CHRNB4: variants seen among roughly 807,000 people sequenced by gnomAD.
CHRNB4 encodes the protein cholinergic receptor nicotinic beta 4 subunit, also known as neuronal acetylcholine receptor subunit beta-4.
Under a neutral mutation model 40.4 loss-of-function variants are expected in CHRNB4, and 23 were observed. The ratio of observed to expected loss-of-function variants is 0.57; its 90% CI spans 0.41 to 0.81. The LOEUF (loss-of-function observed/expected upper bound fraction) is 0.81. Ranked by LOEUF, CHRNB4 falls within the 30% of genes least tolerant of loss-of-function variation. CHRNB4 has a pLI of 0.00. For missense variants in CHRNB4, 568 were observed against 670.6 expected, an observed-to-expected ratio of 0.85 and a Z score of 1.69; for synonymous variants, 285 against 274.4, an observed-to-expected ratio of 1.04 and a Z score of -0.38.
chr15:78,659,421 G>A (rs1444110335), intron 1 of CHRNB4, among the ~76,000 whole-genome samples: 5 of 152,084 alleles, frequency 3.3e-5, no homozygotes, highest in East Asian at 1.9e-4. Context: ...GAGAAAGACC[G>A]TGTCTCAAAA....
Position 78,625,281 on chromosome 15 carries a change from T to C in CHRNB4, c.1349A>G (p.Asp450Gly), listed in dbSNP as rs1331126866. ...NDDEDQSVVE[D>G]WKYVAMVVDR... ...CACCACCATAGCCACGTACTTCCAGTCCTCAACGACCTGCAGGCAGACAGA... is the reference window on the plus strand; with the variant it reads ...CACCACCATAGCCACGTACTTCCAGCCCTCAACGACCTGCAGGCAGACAGA... The change falls in exon 6 of 6, where the codon GAC (aspartate) becomes GGC (glycine). Residue 450 changes from aspartate (D) to glycine (G), a missense_variant. Transcript: ENST00000261751. 7 of 1,536,096 alleles carry C rather than the reference T, an allele frequency of 4.6e-6. No homozygotes were observed. The East Asian group carries it at 1.4e-4, about 30-fold the overall frequency.
intron 2 of CHRNB4, chr15:78,634,552 G>A: frequency 2.9e-6 from 1 of 348,052 alleles, no homozygotes; most frequent in Admixed American, 3.6e-5. Context: ...AGGGCTGTAG[G>A]TTTGACAGGC....
chr15:78,637,156 C>T (rs36045869), intron 1 of CHRNB4, among the ~76,000 whole-genome samples: 42,582 of 152,114 alleles, frequency 0.28, 7,203 homozygotes, highest in Non-Finnish European at 0.4. Context: ...GCCTAAATAC[C>T]GCCTCATGCA....
intron 5 of CHRNB4, chr15:78,655,412 A>C (rs1474091681): frequency 6.7e-6 from 1 of 148,570 alleles, no homozygotes; most frequent in Non-Finnish European, 1.5e-5. Context: ...ACATATCTAT[A>C]TATATCTATA....
At chr15:78,641,442 T>TG (rs1196749824), upstream of CHRNB4, among the ~76,000 whole-genome samples, 1 of 152,178 alleles carries the variant, frequency 6.6e-6, no homozygotes, top group Non-Finnish European at 1.5e-5. Flanking sequence ...TTGGTACAGC[T>TG]GGGGAGACTG....
At chr15:78,632,177 CTT>C (rs372999878) in intron 2 of CHRNB4, among the ~76,000 whole-genome samples, 117,000 of 128,364 alleles carry the variant, frequency 0.91, 53,277 homozygotes, top group Non-Finnish European at 0.98. Context: ...CTTTCTCTTT[CTT>C]TCTTTCTTTC....
At chr15:78,660,094 C>T (rs2054239941) in intron 1 of CHRNB4, among the ~76,000 whole-genome samples, 1 of 151,910 alleles carries the variant, frequency 6.6e-6, no homozygotes, top group African/African-American at 2.4e-5. Context: ...GTAATCCCAG[C>T]TACTCAGGAG....
chr15:78,641,187 C>A lies in CHRNB4; in HGVS notation c.-54G>T. 1 of 1,437,588 alleles carries A rather than the reference C, an allele frequency of 7.0e-7. No homozygotes were observed. Among genetic ancestry groups the A allele is most frequent in the East Asian group, 2.8e-5 (1 of 35,732 alleles). 89.1% of individuals were successfully genotyped at this position (1,437,588 alleles called of 1,614,324 possible). A position where few individuals can be genotyped will look rare whatever the true frequency, so the allele number is the denominator to read the frequency against. On this transcript the variant is annotated 5_prime_UTR_variant, in exon 1 of 6. Transcript: ENST00000261751. ...CGAGCTCCGCTGTGGGGTCACAGGG[C>A]ACCCGTGAGCCGCGCGGTCGAGTGA...
Position 78,631,185 on chromosome 15 carries a change from C to T in CHRNB4, c.250G>A (p.Glu84Lys). 6.2e-7 allele frequency: 1 copy of T among 1,614,054 alleles called. No homozygotes were observed. Among genetic ancestry groups the T allele is most frequent in the African/African-American group, 1.3e-5 (1 of 75,050 alleles). The change falls in exon 4 of 6, where the codon GAA becomes AAA. Residue 84 changes from glutamate (E) to lysine (K), a missense_variant and splice_region_variant. Glu to Lys is a moderately conservative substitution (Grantham distance 56). Transcript: ENST00000261751. ...IMTTNVWLKQ[E>K]WTDYRLTWNS... ...CAGGTCAGGCGGTAATCAGTCCATT[C>T]CTGGACAGACAGGCAAGGCCCTGTC...
At chr15:78,648,186 G>A (rs2054141986) in intron 7 of CHRNB4, among the ~76,000 whole-genome samples, 1 of 151,890 alleles carries the variant, frequency 6.6e-6, no homozygotes, top group Non-Finnish European at 1.5e-5. Flanking sequence ...GAGGTCAGGA[G>A]ATCAAGACCA....
At chr15:78,648,115 C>T (rs886725712) in intron 7 of CHRNB4, among the ~76,000 whole-genome samples, 1 of 151,826 alleles carries the variant, frequency 6.6e-6, no homozygotes, top group Non-Finnish European at 1.5e-5. Context: ...GTGGTAGGGC[C>T]GGGCGAGGTG....
At chr15:78,661,072 C>T (rs1256663187), upstream of CHRNB4, 4 of 598,922 alleles carry the variant, frequency 6.7e-6, no homozygotes, top group Non-Finnish European at 6.5e-6. Context: ...GGCCCTTTGA[C>T]CTCTGGCGCG....
chr15:78,631,218 G>T, intron 3 of CHRNB4, 33 bp from the exon 4 acceptor site: 1 of 1,612,916 alleles, frequency 6.2e-7, no homozygotes, highest in Non-Finnish European at 8.5e-7. Flanking sequence ...GTCACTTGCA[G>T]GTCCACTGCC....
At position 78,625,128 on chromosome 15, in the gene CHRNB4, G is replaced by A; in HGVS notation, c.*5C>T. On this transcript the variant is annotated 3_prime_UTR_variant, in exon 6 of 6. Transcript: ENST00000261751. ...CATCCTCTCACCCCACAACCCAGGGGGCCCTCAGTCACGCTGGGCAGCGTA... is the reference window on the plus strand; with the variant it reads ...CATCCTCTCACCCCACAACCCAGGGAGCCCTCAGTCACGCTGGGCAGCGTA... 6.2e-7 allele frequency: 1 copy of A among 1,614,040 alleles called. No homozygotes were observed. Among genetic ancestry groups the A allele is most frequent in the Non-Finnish European group, 8.5e-7 (1 of 1,180,014 alleles).
chr15:78,646,440 CATT>C (rs2054123913), intron 7 of CHRNB4, among the ~76,000 whole-genome samples: 1 of 152,196 alleles, frequency 6.6e-6, no homozygotes, highest in Admixed American at 6.5e-5. Context: ...AGGAGGATAT[CATT>C]ATGACTGGGG....
In CHRNB4 at chr15:78,624,652, A is replaced by C. The variant is rs905169505; in HGVS notation, c.*481T>G. 4.3e-5 allele frequency: 11 copies of C among 253,346 alleles called. No individual in the cohort carries two copies. 15.7% of individuals were successfully genotyped at this position (253,346 alleles called of 1,614,324 possible). On this transcript the variant is annotated 3_prime_UTR_variant, in exon 6 of 6. Coordinates refer to ENST00000261751, the MANE Select transcript of CHRNB4 (RefSeq NM_000750.5). The stretch of plus-strand genomic sequence containing the variant: ...CAGCTACTTGGGAGGTTGAGGCAGG[A>C]GAATCACTTGAGCCTGGGCGATATA...
intron 1 of CHRNB4, among the ~76,000 whole-genome samples, chr15:78,639,262 G>A (rs1328512868): frequency 6.6e-6 from 1 of 152,140 alleles, no homozygotes; most frequent in Non-Finnish European, 1.5e-5. Flanking sequence ...CCTTAACTGA[G>A]GAAGGGAACA....
chr15:78,640,945 C>T (rs976497668), intron 1 of CHRNB4, 134 bp downstream of exon 1: 13 of 1,036,798 alleles, frequency 1.3e-5, no homozygotes, highest in African/African-American at 1.2e-4. Flanking sequence ...CTGCCCACGC[C>T]CCCATCTGGC....
upstream of CHRNB4, among the ~76,000 whole-genome samples, chr15:78,643,536 G>A (rs1039739645): frequency 2.0e-5 from 3 of 152,162 alleles, no homozygotes; most frequent in African/African-American, 4.8e-5. Context: ...ACATGGCACT[G>A]GAGGTCCTAG....
Sources: allele counts gnomAD v4.1 joint callset (sites outside exome capture counted in the v4.1 genomes callset), GRCh38; gene constraint gnomAD v4.1.1; transcripts MANE v1.5; gene names NCBI Gene and HGNC (gene_info 2026-07-23, HGNC 2026-07-21).